The following CPXM2 variants were observed in gnomAD, a reference collection of about 807,000 sequenced individuals.
CPXM2 encodes the protein inactive carboxypeptidase-like protein X2.
CPXM2 carries 66 observed loss-of-function variants against 86.1 expected under a neutral mutation model. The ratio of observed to expected loss-of-function variants is 0.77; its 90% CI spans 0.63 to 0.94. The LOEUF (loss-of-function observed/expected upper bound fraction) is 0.94. Ranked by LOEUF, CPXM2 falls within the 40% of genes least tolerant of loss-of-function variation. The probability of loss-of-function intolerance (pLI) is 0.00; values close to 1 mark genes in which losing one functional copy is unlikely to be tolerated. For synonymous variants in CPXM2, 388 were observed against 400.2 expected, an observed-to-expected ratio of 0.97 and a Z score of 0.36; for missense variants, 948 against 1,026.3, an observed-to-expected ratio of 0.92 and a Z score of 1.04.
chr10:123,883,132 T>C (rs546336002), intron 1 of CPXM2, among the ~76,000 whole-genome samples: 1 of 152,290 alleles, frequency 6.6e-6, no homozygotes, highest in South Asian at 2.1e-4. Context: ...GGGACTCAGC[T>C]CTGGGACTCC....
intron 6 of CPXM2, among the ~76,000 whole-genome samples, chr10:123,792,200 G>A (rs564139956): frequency 6.6e-6 from 1 of 152,294 alleles, no homozygotes; most frequent in South Asian, 2.1e-4. Flanking sequence ...TTAGAAATGA[G>A]GCAGCCACAG....
intron 4 of CPXM2, among the ~76,000 whole-genome samples, chr10:123,818,302 C>A (rs1052100579): frequency 6.6e-6 from 1 of 152,196 alleles, no homozygotes. Flanking sequence ...CGCATGGGCT[C>A]AGCAACATGT....
At position 123,746,534 on chromosome 10, in the gene CPXM2, C is replaced by T; in HGVS notation, c.*230G>A. On this transcript the variant is annotated 3_prime_UTR_variant, in exon 14 of 14. Coordinates refer to ENST00000241305, the MANE Select transcript of CPXM2 (RefSeq NM_198148.3). ...GCTTGCTGAGTTCTCTCACTCCCAT[C>T]AGCTTTTCTCTGCTGCTCTGTCCAA... The T allele has an allele frequency of 1.8e-6, 1 of 566,710 alleles. No homozygotes were observed. The highest frequency in any genetic ancestry group is 3.2e-5 in the Admixed American group (1 of 31,156). 35.1% of individuals were successfully genotyped at this position (566,710 alleles called of 1,614,324 possible).
In CPXM2 at chr10:123,862,502, G is replaced by A. The variant is rs896475535; in HGVS notation, c.513+112C>T. Reference sequence around the variant, plus strand: ...TCATTCAGCAATATCCTTTCTTACTGTGAGCATCCAGGCTAATGCATTTTA... The same window carrying A: ...TCATTCAGCAATATCCTTTCTTACTATGAGCATCCAGGCTAATGCATTTTA... On this transcript the variant is annotated intron_variant, in intron 3 of 13. Transcript: ENST00000241305. 37 of 904,148 alleles carry A rather than the reference G, an allele frequency of 4.1e-5. No individual in the cohort carries two copies. In the Admixed American group the frequency reaches 7.7e-4, roughly 19 times the overall value. 56.0% of individuals were successfully genotyped at this position (904,148 alleles called of 1,614,324 possible).
chr10:123,746,866 C>T lies in CPXM2; in HGVS notation c.2169G>A (p.Met723Ile), dbSNP rs779261757. 1.9e-6 allele frequency: 3 copies of T among 1,614,188 alleles called. No homozygotes were observed. The Admixed American group carries it at 5.0e-5, about 27-fold the overall frequency. The change falls in exon 14 of 14, where the codon ATG (methionine) becomes ATA (isoleucine). Residue 723 changes from methionine to isoleucine, a missense_variant. Transcript: ENST00000241305. The part of the protein sequence containing the change: ...RCDFTLSKTN[M>I]ARIREIMEKF... ...TCTCCATGATCTCTCGGATCCTGGCCATGTTGGTTTTGCTAAGTGTGAAGT... is the reference window on the plus strand; with the variant it reads ...TCTCCATGATCTCTCGGATCCTGGCTATGTTGGTTTTGCTAAGTGTGAAGT...
At position 123,754,150 on chromosome 10, in the gene CPXM2, G is replaced by A. The variant is rs1846142784; in HGVS notation, c.2017+513C>T. ...GCTCAGTGATTTCCTGTGCTTTAAT[G>A]GAAAAAGTGCATCCTCTCTGGCCAG... is the stretch of plus-strand genomic sequence containing the variant. On this transcript the variant is annotated intron_variant, in intron 13 of 13. Transcript: ENST00000241305. This position sits in a 1 kb window ranked among gnomAD's most constrained non-coding sequence, Gnocchi z 4.0. Among the ~76,000 whole-genome samples, 1 of 152,162 alleles carries A rather than the reference G, an allele frequency of 6.6e-6. No individual in the cohort carries two copies. The highest frequency in any genetic ancestry group is 2.1e-4 in the South Asian group (1 of 4,830).
intron 6 of CPXM2, among the ~76,000 whole-genome samples, chr10:123,793,077 C>G (rs1463411726): frequency 2.0e-5 from 3 of 152,150 alleles, no homozygotes; most frequent in African/African-American, 7.2e-5. Context: ...CTTAGTCACA[C>G]CCCTACAGCG....
rs1203031103 is a variant in CPXM2, at chr10:123,909,777, G to A, written n.175-29468C>T. 2.0e-5 allele frequency among the ~76,000 whole-genome samples: 3 copies of A among 152,316 alleles called. No homozygotes were observed. The East Asian group carries it at 5.8e-4, about 29-fold the overall frequency. On this transcript the variant is annotated intron_variant and non_coding_transcript_variant, in intron 2 of 19. Transcript: ENST00000368854. ...ATAACCACTCTCCTCTTCCTGTCAT[G>A]TTCTCTCAAAGCAGAGACAATGGAG...
At chr10:123,768,744 A>G (rs1465179387) in intron 8 of CPXM2, 22 bp from the exon 9 acceptor site, 2 of 1,601,952 alleles carry the variant, frequency 1.2e-6, no homozygotes, top group East Asian at 2.2e-5. Flanking sequence ...GACAGAGAGA[A>G]GCACAGGTTC....
intron 2 of CPXM2, among the ~76,000 whole-genome samples, chr10:123,904,175 C>T (rs907317821): frequency 3.3e-5 from 5 of 152,316 alleles, no homozygotes; most frequent in Non-Finnish European, 5.9e-5. Context: ...GTTACTTCCT[C>T]GGAGACCCCT....
intron 2 of CPXM2, among the ~76,000 whole-genome samples, chr10:123,898,398 A>G (rs1945355336): frequency 6.6e-6 from 1 of 152,180 alleles, no homozygotes; most frequent in African/African-American, 2.4e-5. Context: ...AGGCTGTAGT[A>G]CTCTATAATC....
At chr10:123,750,501 C>G (rs1271620952) in intron 13 of CPXM2, 1 of 985,238 alleles carries the variant, frequency 1.0e-6, no homozygotes, top group Non-Finnish European at 1.2e-6. Context: ...GGGAGGGACC[C>G]TTCCTTGGCT....
At chr10:123,751,106 T>G (rs921472699) in intron 13 of CPXM2, 14 of 966,214 alleles carry the variant, frequency 1.4e-5, no homozygotes, top group Non-Finnish European at 1.7e-5. Context: ...GGCCAAGAGA[T>G]GGATGAAAGA....
chr10:123,869,921 A>T (rs555539650), intron 2 of CPXM2, among the ~76,000 whole-genome samples: 2 of 152,336 alleles, frequency 1.3e-5, no homozygotes, highest in Non-Finnish European at 2.9e-5. Context: ...ACAGCATATA[A>T]ATAAGAATTC....
intron 3 of CPXM2, among the ~76,000 whole-genome samples, chr10:123,857,298 G>A (rs1259230396): frequency 6.6e-6 from 1 of 151,940 alleles, no homozygotes; most frequent in East Asian, 1.9e-4. Flanking sequence ...AAGGAGACAG[G>A]TATTTCTGTA....
At chr10:123,799,045 C>A in intron 5 of CPXM2, 70 bp downstream of exon 5, 1 of 1,540,960 alleles carries the variant, frequency 6.5e-7, no homozygotes, top group Non-Finnish European at 8.9e-7. Flanking sequence ...GTTGATCATA[C>A]ATTGCCTCTC....
At chr10:123,839,660 AG>A (rs1398553910) in intron 4 of CPXM2, among the ~76,000 whole-genome samples, 9 of 152,218 alleles carry the variant, frequency 5.9e-5, no homozygotes, top group African/African-American at 2.2e-4. Context: ...ATGGCAAGAG[AG>A]AAAGGGAGAT....
chr10:123,917,619 A>G (rs930935199), intron 2 of CPXM2, among the ~76,000 whole-genome samples: 1 of 152,246 alleles, frequency 6.6e-6, no homozygotes, highest in Non-Finnish European at 1.5e-5. Flanking sequence ...TGTATGTTGA[A>G]GAGGAGAGAA....
chr10:123,761,957 G>C lies in CPXM2; in HGVS notation c.1692C>G (p.Asp564Glu), dbSNP rs547897756. 5.0e-6 allele frequency: 8 copies of C among 1,613,676 alleles called. No homozygotes were observed. Among genetic ancestry groups the C allele is most frequent in the Non-Finnish European group, 6.8e-6 (8 of 1,179,860 alleles). Residue 564 changes from aspartate (D) to glutamate (E), a missense_variant, in exon 11 of 14, where the codon GAC becomes GAG. Coordinates refer to ENST00000241305, the MANE Select transcript of CPXM2 (RefSeq NM_198148.3). ...CCGTGTGGCACACCCTCCTCCGGGC[G>C]TCTGTCATGAGGCGGTGTGTGGAGG... The part of the protein sequence containing the change: ...SYASTHRLMT[D>E]ARRRVCHTED...
Sources: allele counts gnomAD v4.1 joint callset (sites outside exome capture counted in the v4.1 genomes callset), GRCh38; gene constraint gnomAD v4.1.1; non-coding constraint Gnocchi (gnomAD v3.1); transcripts MANE v1.5; gene names NCBI Gene and HGNC (gene_info 2026-07-23, HGNC 2026-07-21).